SCAF1: variants seen among roughly 807,000 people sequenced by gnomAD.
SCAF1 encodes the protein splicing factor, arginine/serine-rich 19.
Under a neutral mutation model 91.2 loss-of-function variants are expected in SCAF1, and 28 were observed. That is an observed-to-expected ratio of 0.31 (90% confidence interval 0.23 to 0.42). SCAF1 has a LOEUF of 0.42. SCAF1 is among the 10% of genes least tolerant of loss of function. The probability of loss-of-function intolerance (pLI) is 1.00; values close to 1 mark genes in which losing one functional copy is unlikely to be tolerated. For synonymous variants in SCAF1, 1,036 were observed against 833.7 expected (o/e 1.24, Z -4.18); for missense variants, 1,893 against 1,872.1 (o/e 1.01, Z -0.21).
In SCAF1 at chr19:49,652,174, G is replaced by T; in HGVS notation, c.1785G>T (p.Gly595=). Residue 595 remains glycine, a synonymous_variant, in exon 7 of 11, where the codon GGG becomes GGT. Transcript: ENST00000360565. The part of the protein sequence containing the change: ...RRSRSTDRRR[G]GSRRSRSREK... ...CGCGCAGCACCGACCGCCGCCGCGG[G>T]GGCAGCCGCAGGTCGCGGTCCCGGG... is the stretch of plus-strand genomic sequence containing the variant. The T allele has an allele frequency of 8.4e-7, 1 of 1,183,878 alleles. No homozygotes were observed. Among genetic ancestry groups the T allele is most frequent in the Non-Finnish European group, 1.0e-6 (1 of 955,226 alleles). 73.3% of individuals were successfully genotyped at this position (1,183,878 alleles called of 1,614,324 possible).
At position 49,652,237 on chromosome 19, in the gene SCAF1, C is replaced by T; in HGVS notation, c.1848C>T (p.Pro616=). 1 of 1,397,404 alleles carries T rather than the reference C, an allele frequency of 7.2e-7. No homozygotes were observed. Among genetic ancestry groups the T allele is most frequent in the Non-Finnish European group, 9.3e-7 (1 of 1,079,980 alleles). 86.6% of individuals were successfully genotyped at this position (1,397,404 alleles called of 1,614,324 possible). A position where few individuals can be genotyped will look rare whatever the true frequency, so the allele number is the denominator to read the frequency against. Residue 616 remains proline (P), a synonymous_variant, in exon 7 of 11, where the codon CCC becomes CCT. Transcript: ENST00000360565. ...RRRRRRSASP[P]PATSSSSSSR... is the part of the protein sequence containing the mutation. ...GGCGGCGGCGCTCCGCCTCCCCGCC[C>T]CCGGCCACTTCCTCATCGTCGTCCT...
At chr19:49,657,501 T>A (rs1266091330) in intron 9 of SCAF1, among the ~76,000 whole-genome samples, 1 of 152,260 alleles carries the variant, frequency 6.6e-6, no homozygotes, top group Non-Finnish European at 1.5e-5. Context: ...ACACATGTCC[T>A]GGTCCCGGCC....
chr19:49,654,389 G>C lies in SCAF1; in HGVS notation c.3357G>C (p.Ala1119=), dbSNP rs767686210. 2 of 1,613,398 alleles carry C rather than the reference G, an allele frequency of 1.2e-6. No homozygotes were observed. Among genetic ancestry groups the C allele is most frequent in the Non-Finnish European group, 1.7e-6 (2 of 1,179,972 alleles). ...LLFKMEEANL[A]SRAKAQELIQ... ...TCAAGATGGAAGAAGCCAACCTGGCGAGCCGAGCGAAGGCCCAGGAGCTGA... is the reference window on the plus strand; with the variant it reads ...TCAAGATGGAAGAAGCCAACCTGGCCAGCCGAGCGAAGGCCCAGGAGCTGA... The change falls in exon 8 of 11, where the codon GCG becomes GCC. Residue 1119 remains alanine, a synonymous_variant. Coordinates refer to ENST00000360565, the MANE Select transcript of SCAF1 (RefSeq NM_021228.3).
chr19:49,641,235 T>G (rs1276704029), upstream of SCAF1, among the ~76,000 whole-genome samples: 2 of 152,184 alleles, frequency 1.3e-5, no homozygotes, highest in African/African-American at 4.8e-5. Flanking sequence ...GACACTGCTC[T>G]GAGTGAGAGG....
intron 1 of SCAF1, 91 bp from the exon 2 acceptor site, chr19:49,644,930 G>T (rs1190893962): frequency 1.2e-6 from 1 of 829,966 alleles, no homozygotes; most frequent in Non-Finnish European, 2.0e-6. Flanking sequence ...GAGGGAGATA[G>T]TGTGGGGCCC....
upstream of SCAF1, among the ~76,000 whole-genome samples, chr19:49,640,985 G>C (rs1044532113): frequency 9.2e-5 from 14 of 152,138 alleles, no homozygotes; most frequent in African/African-American, 3.4e-4. Context: ...GAGGAAGGTA[G>C]ACAGGTTCCT....
At chr19:49,641,104 G>C (rs2081023970), upstream of SCAF1, among the ~76,000 whole-genome samples, 1 of 152,112 alleles carries the variant, frequency 6.6e-6, no homozygotes, top group South Asian at 2.1e-4. Context: ...CACTGGCTTG[G>C]GGGGACCCGA....
Position 49,652,152 on chromosome 19 carries a change from G to T in SCAF1, c.1763G>T (p.Arg588Leu). Residue 588 changes from arginine (R) to leucine (L), a missense_variant, in exon 7 of 11, where the codon CGC (arginine) becomes CTC (leucine). Arg to Leu is a moderately radical substitution (Grantham distance 102). Coordinates refer to ENST00000360565, the MANE Select transcript of SCAF1 (RefSeq NM_021228.3). The stretch of plus-strand genomic sequence containing the variant: ...TCCCGCTCCACCCGCCGCCGCTCGC[G>T]CAGCACCGACCGCCGCCGCGGGGGC... Reference protein sequence around the residue: ...SRSRSTRRRSRSTDRRRGGSR... With the variant: ...SRSRSTRRRSLSTDRRRGGSR... 2 of 1,093,680 alleles carry T rather than the reference G, an allele frequency of 1.8e-6. No homozygotes were observed. The highest frequency in any genetic ancestry group is 6.0e-5 in the South Asian group (2 of 33,246). 67.7% of individuals were successfully genotyped at this position (1,093,680 alleles called of 1,614,324 possible).
At chr19:49,656,144 C>T (rs898201788) in intron 9 of SCAF1, among the ~76,000 whole-genome samples, 17 of 150,194 alleles carry the variant, frequency 1.1e-4, no homozygotes, top group African/African-American at 3.5e-4. Context: ...TTGTGCCTTG[C>T]GCTGCAGGAC....
Position 49,652,163 on chromosome 19 carries a change from C to T in SCAF1, c.1774C>T (p.Arg592Cys). Reference protein sequence around the residue: ...STRRRSRSTDRRRGGSRRSRS... With the variant: ...STRRRSRSTDCRRGGSRRSRS... ...CCGCCGCCGCTCGCGCAGCACCGAC[C>T]GCCGCCGCGGGGGCAGCCGCAGGTC... The change falls in exon 7 of 11, where the codon CGC (arginine) becomes TGC (cysteine). Residue 592 changes from arginine (R) to cysteine (C), a missense_variant. By Grantham distance (180) the Arg-to-Cys change is radical. Transcript: ENST00000360565. 1 of 1,118,368 alleles carries T rather than the reference C, an allele frequency of 8.9e-7. No individual in the cohort carries two copies. Among genetic ancestry groups the T allele is most frequent in the Middle Eastern group, 4.0e-4 (1 of 2,522 alleles). The allele number at this position is 1,118,368 out of a possible 1,614,324, so 69.3% of individuals were successfully genotyped here.
intron 9 of SCAF1, 115 bp downstream of exon 9, chr19:49,654,985 C>G (rs960293524): frequency 2.5e-6 from 2 of 808,396 alleles, no homozygotes; most frequent in Non-Finnish European, 3.8e-6. Flanking sequence ...GAGACAGGGC[C>G]GTAGAGACCA....
chr19:49,646,140 C>T lies in SCAF1; in HGVS notation c.199C>T (p.Arg67Cys), dbSNP rs776511832. 22 of 1,611,650 alleles carry T rather than the reference C, an allele frequency of 1.4e-5. No individual in the cohort carries two copies. The highest frequency in any genetic ancestry group is 3.3e-4 in the Middle Eastern group (2 of 6,078). ...GSRCHGLRWR[R>C]CRSPRSEPRS... ...TCGGTGTCATGGCCTTCGATGGCGG[C>T]GCTGCCGGAGTCCACGGTCAGAGCC... The change falls in exon 4 of 11, where the codon CGC becomes TGC. Residue 67 changes from arginine (R) to cysteine (C), a missense_variant. By Grantham distance (180) the Arg-to-Cys change is radical. Coordinates refer to ENST00000360565, the MANE Select transcript of SCAF1 (RefSeq NM_021228.3). This position sits in a 1 kb window ranked among gnomAD's most constrained non-coding sequence, Gnocchi z 5.6.
intron 7 of SCAF1, 87 bp downstream of exon 7, chr19:49,653,792 C>T: frequency 3.1e-6 from 4 of 1,296,568 alleles, no homozygotes; most frequent in Middle Eastern, 2.7e-4. Flanking sequence ...AGTGGGGTGC[C>T]CTGGCAGGGA....
chr19:49,656,317 G>A (rs2081139112), intron 9 of SCAF1, among the ~76,000 whole-genome samples: 1 of 152,152 alleles, frequency 6.6e-6, no homozygotes, highest in Non-Finnish European at 1.5e-5. Context: ...GTCCCTCCAG[G>A]GCAGCCTGTG....
At position 49,654,675 on chromosome 19, in the gene SCAF1, C is replaced by A. The variant is rs770722067; in HGVS notation, c.3423C>A (p.Pro1141=). Residue 1141 remains proline, a synonymous_variant, in exon 9 of 11, where the codon CCC becomes CCA. Transcript: ENST00000360565. ...AGATCCTCAGCCACAGAAAGCCACCCTCAAGTCTGGGGATGACCCCAGCTC... is the reference window on the plus strand; with the variant it reads ...AGATCCTCAGCCACAGAAAGCCACCATCAAGTCTGGGGATGACCCCAGCTC... ...TNQILSHRKP[P]SSLGMTPAPV... The A allele has an allele frequency of 6.2e-7, 1 of 1,613,394 alleles. No individual in the cohort carries two copies. Among genetic ancestry groups the A allele is most frequent in the South Asian group, 1.1e-5 (1 of 90,998 alleles).
At chr19:49,650,489 G>C (rs777114790) in intron 6 of SCAF1, among the ~76,000 whole-genome samples, 27 of 152,122 alleles carry the variant, frequency 1.8e-4, no homozygotes, top group Non-Finnish European at 3.1e-4. Context: ...TCCTGGGATG[G>C]GTCGCCGGCA....
At position 49,651,942 on chromosome 19, in the gene SCAF1, A is replaced by G; in HGVS notation, c.1553A>G (p.Lys518Arg). The part of the protein sequence containing the change: ...AAAAGPPTRK[K>R]SRRERKRSGE... ...GCTGCTGGTCCGCCCACGCGCAAGA[A>G]GTCCAGGCGGGAACGCAAGCGCAGC... Residue 518 changes from lysine (K) to arginine (R), a missense_variant, in exon 7 of 11, where the codon AAG becomes AGG. Around this residue, in one of 5 missense-constraint regions of SCAF1, gnomAD observed 1,436 missense variants for 1,306.8 expected, o/e 1.10. Transcript: ENST00000360565. The G allele has an allele frequency of 1.7e-6, 2 of 1,185,396 alleles. No homozygotes were observed. The highest frequency in any genetic ancestry group is 2.1e-6 in the Non-Finnish European group (2 of 949,358). 73.4% of individuals were successfully genotyped at this position (1,185,396 alleles called of 1,614,324 possible). A position where few individuals can be genotyped will look rare whatever the true frequency, so the allele number is the denominator to read the frequency against.
At chr19:49,643,224 T>A (rs1353032149) in intron 1 of SCAF1, among the ~76,000 whole-genome samples, 1 of 152,184 alleles carries the variant, frequency 6.6e-6, no homozygotes, top group Non-Finnish European at 1.5e-5. Context: ...TGGAGGGTCA[T>A]CTAGACCCAC....
At chr19:49,647,170 A>T (rs1159804959) in intron 6 of SCAF1, among the ~76,000 whole-genome samples, 1 of 152,260 alleles carries the variant, frequency 6.6e-6, no homozygotes, top group African/African-American at 2.4e-5. Flanking sequence ...CACTTGCCCA[A>T]GGGCGCACAG....
Sources: allele counts gnomAD v4.1 joint callset (sites outside exome capture counted in the v4.1 genomes callset), GRCh38; gene constraint gnomAD v4.1.1; regional missense constraint gnomAD v4.1.1; non-coding constraint Gnocchi (gnomAD v3.1); transcripts MANE v1.5; gene names NCBI Gene and HGNC (gene_info 2026-07-23, HGNC 2026-07-21).